KIF18B: variants seen among roughly 807,000 people sequenced by gnomAD.
The protein encoded by KIF18B is kinesin family member 18B.
KIF18B carries 49 observed loss-of-function variants against 80.9 expected under a neutral mutation model. That is an observed-to-expected ratio of 0.61 (90% CI 0.48 to 0.77). The LOEUF is 0.77. Among genes scored for constraint, KIF18B ranks in the 30% least tolerant of loss-of-function variants. KIF18B has a pLI of 0.00. For synonymous variants in KIF18B, 439 were observed against 463.9 expected (o/e 0.95, Z 0.69); for missense variants, 994 against 1,127.7 (o/e 0.88, Z 1.70).
chr17:44,926,539 T>TGG, intron 14 of KIF18B, 40 bp from the exon 15 acceptor site: 1 of 1,528,892 alleles, frequency 6.5e-7, no homozygotes, highest in South Asian at 1.2e-5. Context: ...GTTACGGCCC[T>TGG]GTCTCTGGAC....
In KIF18B at chr17:44,932,714, C is replaced by T. The variant is rs752875619; in HGVS notation, c.1197G>A (p.Gln399=). ...CCGACTTGGGAGATCCTGGGAGGTCCTGTGGTGGGGGCTGGCCTCCCCCCT... is the reference window on the plus strand; with the variant it reads ...CCGACTTGGGAGATCCTGGGAGGTCTTGTGGTGGGGGCTGGCCTCCCCCCT... ...VYEGGGQPPP[Q]DLPGSPKSGP... The change falls in exon 9 of 16, where the codon CAG becomes CAA. Residue 399 remains glutamine (Q), a synonymous_variant. Coordinates refer to ENST00000593135, the MANE Select transcript of KIF18B (RefSeq NM_001265577.2). 1 of 1,612,990 alleles carries T rather than the reference C, an allele frequency of 6.2e-7. No homozygotes were observed. Among genetic ancestry groups the T allele is most frequent in the African/African-American group, 1.3e-5 (1 of 75,004 alleles).
chr17:44,946,353 A>T (rs1005848744), intron 1 of KIF18B, among the ~76,000 whole-genome samples: 3 of 152,200 alleles, frequency 2.0e-5, no homozygotes, highest in Non-Finnish European at 2.9e-5. Context: ...TTCAATAATG[A>T]AATGGGCAGA....
At chr17:44,939,607 G>T (rs1364891841) in intron 1 of KIF18B, among the ~76,000 whole-genome samples, 1 of 151,882 alleles carries the variant, frequency 6.6e-6, no homozygotes, top group East Asian at 1.9e-4. Flanking sequence ...GGATTATTTT[G>T]AATTTATAGA....
chr17:44,946,834 C>T (rs2052519701), intron 1 of KIF18B, among the ~76,000 whole-genome samples: 1 of 152,098 alleles, frequency 6.6e-6, no homozygotes, highest in Non-Finnish European at 1.5e-5. Context: ...TTCAATCAAA[C>T]ATTTGGCCAG....
Position 44,934,389 on chromosome 17 carries a change from C to A in KIF18B, c.729G>T (p.Gln243His). Residue 243 changes from glutamine to histidine, a missense_variant, in exon 6 of 16, where the codon CAG becomes CAT. Gln to His is a conservative substitution (Grantham distance 24). Transcript: ENST00000593135. The surrounding 1 kb of genome is among the most constrained non-coding windows in gnomAD (Gnocchi z 5.4). ...KQQDRVPGLTQAVQVAKMSLI... is the reference protein window; with the variant it reads ...KQQDRVPGLTHAVQVAKMSLI... ...GGCTCATCTTGGCCACCTGGACAGC[C>A]TGGGTCAGTCCTGGAACCCGGTCCT... The A allele has an allele frequency of 6.2e-7, 1 of 1,606,692 alleles. No homozygotes were observed. Among genetic ancestry groups the A allele is most frequent in the East Asian group, 2.2e-5 (1 of 44,604 alleles).
At chr17:44,944,294 G>T (rs1477019392) in intron 1 of KIF18B, among the ~76,000 whole-genome samples, 1 of 151,736 alleles carries the variant, frequency 6.6e-6, no homozygotes, top group Non-Finnish European at 1.5e-5. Flanking sequence ...GCAGCCTGGA[G>T]TGCAATGGCG....
intron 14 of KIF18B, among the ~76,000 whole-genome samples, chr17:44,926,730 G>A (rs535728982): frequency 7.4e-4 from 112 of 152,260 alleles, no homozygotes; most frequent in African/African-American, 2.7e-3. Flanking sequence ...CTGGATTAAT[G>A]GTGTGCAACA....
chr17:44,940,528 C>G (rs2052396026), intron 1 of KIF18B, among the ~76,000 whole-genome samples: 1 of 152,140 alleles, frequency 6.6e-6, no homozygotes, highest in Non-Finnish European at 1.5e-5. Flanking sequence ...TCTTTCGAAA[C>G]AGCGTACCAA....
rs766463545 is a variant in KIF18B at position 44,927,034 on chromosome 17, G to T, written c.2321C>A (p.Ser774Tyr). 6.2e-7 allele frequency: 1 copy of T among 1,612,980 alleles called. No homozygotes were observed. The highest frequency in any genetic ancestry group is 8.5e-7 in the Non-Finnish European group (1 of 1,179,538). ...GCAGGCAGAGGTCCCAGGGAGGGAA[G>T]ATGTTGGCTTGGGGCCCTTCATGGT... ...LFTMKGPKPT[S>Y]SLPGTSACKK... The change falls in exon 14 of 16, where the codon TCT becomes TAT. Residue 774 changes from serine to tyrosine, a missense_variant. Coordinates refer to ENST00000593135, the MANE Select transcript of KIF18B (RefSeq NM_001265577.2). The surrounding 1 kb of genome is among the most constrained non-coding windows in gnomAD (Gnocchi z 4.1).
At chr17:44,945,282 A>G (rs1035765214) in intron 1 of KIF18B, among the ~76,000 whole-genome samples, 4 of 152,108 alleles carry the variant, frequency 2.6e-5, no homozygotes, top group African/African-American at 9.7e-5. Context: ...GCTGGTCTTG[A>G]ACTCCTGGGC....
Position 44,934,258 on chromosome 17 carries a change from A to T in KIF18B, c.860T>A (p.Val287Asp). The change falls in exon 6 of 16, where the codon GTC becomes GAC. Residue 287 changes from valine to aspartate, a missense_variant. Coordinates refer to ENST00000593135, the MANE Select transcript of KIF18B (RefSeq NM_001265577.2). This position sits in a 1 kb window ranked among gnomAD's most constrained non-coding sequence, Gnocchi z 5.4. ...CTTTGCATCGGCCAAGGCATTGAGGACGTTGATGAGCGCCAGCAGAGAGCG... is the reference window on the plus strand; with the variant it reads ...CTTTGCATCGGCCAAGGCATTGAGGTCGTTGATGAGCGCCAGCAGAGAGCG... ...INRSLLALIN[V>D]LNALADAKGR... The T allele has an allele frequency of 6.2e-7, 1 of 1,612,614 alleles. No individual in the cohort carries two copies. Among genetic ancestry groups the T allele is most frequent in the Non-Finnish European group, 8.5e-7 (1 of 1,179,530 alleles).
At chr17:44,947,506 C>T (rs1398663724) in intron 1 of KIF18B, 122 bp downstream of exon 1, 1 of 152,362 alleles carries the variant, frequency 6.6e-6, no homozygotes, top group Non-Finnish European at 1.5e-5. Flanking sequence ...CCGCGCCGCA[C>T]CTTGACGTCC....
chr17:44,944,840 GGGCATT>G (rs2052482686), intron 1 of KIF18B, among the ~76,000 whole-genome samples: 1 of 152,100 alleles, frequency 6.6e-6, no homozygotes, highest in Non-Finnish European at 1.5e-5. Context: ...AATTTTCCAA[GGGCATT>G]GTCAAAAAGA....
chr17:44,936,624 A>ATAT (rs1567796338), intron 1 of KIF18B, among the ~76,000 whole-genome samples: 2 of 27,904 alleles, frequency 7.2e-5, no homozygotes, highest in African/African-American at 1.4e-4. Flanking sequence ...ATATATATAT[A>ATAT]TTTTTTTTTT....
chr17:44,947,289 C>T (rs1427509402), intron 1 of KIF18B, among the ~76,000 whole-genome samples: 5 of 152,104 alleles, frequency 3.3e-5, no homozygotes, highest in African/African-American at 1.2e-4. Context: ...TTCTTCCTCA[C>T]TCGCGAGCAG....
chr17:44,930,036 G>A (rs1356955484), intron 11 of KIF18B, among the ~76,000 whole-genome samples: 1 of 152,168 alleles, frequency 6.6e-6, no homozygotes, highest in Non-Finnish European at 1.5e-5. Flanking sequence ...GGACATCTCT[G>A]AAGCCCCCTC....
Position 44,927,117 on chromosome 17 carries a change from G to T in KIF18B, c.2277-39C>A. ...ACAGGGAAGGAGGCTGATCAGCAGG[G>T]AACCGGAAGCAAGGCCAGCCACTTC... is the stretch of plus-strand genomic sequence containing the variant. On this transcript the variant is annotated intron_variant, in intron 13 of 15. Coordinates refer to ENST00000593135, the MANE Select transcript of KIF18B (RefSeq NM_001265577.2). The surrounding 1 kb of genome is among the most constrained non-coding windows in gnomAD (Gnocchi z 4.1). 6.6e-7 allele frequency: 1 copy of T among 1,510,356 alleles called. No individual in the cohort carries two copies. The highest frequency in any genetic ancestry group is 9.0e-7 in the Non-Finnish European group (1 of 1,109,802). 93.6% of individuals were successfully genotyped at this position (1,510,356 alleles called of 1,614,324 possible). A position where few individuals can be genotyped will look rare whatever the true frequency, so the allele number is the denominator to read the frequency against.
At chr17:44,933,458 G>A (rs927879906) in intron 7 of KIF18B, among the ~76,000 whole-genome samples, 3 of 151,670 alleles carry the variant, frequency 2.0e-5, no homozygotes, top group Non-Finnish European at 4.4e-5. Flanking sequence ...GGACTGTGTC[G>A]CTTCTATCAC....
chr17:44,938,091 C>G (rs2052345192), intron 1 of KIF18B, among the ~76,000 whole-genome samples: 1 of 152,144 alleles, frequency 6.6e-6, no homozygotes, highest in East Asian at 1.9e-4. Flanking sequence ...TCTCAGCTCA[C>G]TACAACCTCT....
Sources: gnomAD v4.1 joint callset for allele counts (sites outside exome capture counted in the v4.1 genomes callset) on GRCh38, gnomAD v4.1.1 for gene constraint, Gnocchi (gnomAD v3.1) non-coding constraint, MANE v1.5 for transcripts, NCBI Gene and HGNC (gene_info 2026-07-23, HGNC 2026-07-21) for gene names.